The following HORMAD2 variants were observed in gnomAD, a reference collection of about 807,000 sequenced individuals.
HORMAD2 encodes the protein HORMA domain-containing protein 2.
HORMAD2 carries 45 observed loss-of-function variants against 38.8 expected under a neutral mutation model. That is an observed-to-expected ratio of 1.16 (90% CI 0.91 to 1.49). The LOEUF (loss-of-function observed/expected upper bound fraction) is 1.49, where lower values mean the gene tolerates loss of function less well. Among genes scored for constraint, HORMAD2 ranks in the 40% most tolerant of loss-of-function variants. HORMAD2 has a pLI of 0.00. For missense variants in HORMAD2, 338 were observed against 367.0 expected (o/e 0.92, Z 0.65); for synonymous variants, 126 against 122.8 (o/e 1.03, Z -0.17).
chr22:30,109,080 AGTGGC>A (rs1404684817), intron 5 of HORMAD2, among the ~76,000 whole-genome samples: 3 of 144,234 alleles, frequency 2.1e-5, no homozygotes, highest in African/African-American at 7.8e-5. Flanking sequence ...GCTGGAGTGC[AGTGGC>A]GTGGTCTTGG....
At chr22:30,174,677 T>G (rs975942130) in intron 10 of HORMAD2, among the ~76,000 whole-genome samples, 1 of 152,196 alleles carries the variant, frequency 6.6e-6, no homozygotes, top group Non-Finnish European at 1.5e-5. Flanking sequence ...TTCTTTCATG[T>G]GTACCCAGAT....
intron 10 of HORMAD2, among the ~76,000 whole-genome samples, chr22:30,123,871 T>A (rs1569098888): frequency 2.0e-5 from 3 of 151,868 alleles, no homozygotes. Flanking sequence ...GGTCTCCCTA[T>A]GTTGTCCAGG....
chr22:30,192,851 C>T, the HORMAD2 span, among the ~76,000 whole-genome samples: 1 of 152,094 alleles, frequency 6.6e-6, no homozygotes, highest in Admixed American at 6.5e-5. Context: ...GGTGATGGAT[C>T]AATGGCAGGA....
chr22:30,188,590 T>G, the HORMAD2 span, among the ~76,000 whole-genome samples: 2 of 152,248 alleles, frequency 1.3e-5, no homozygotes, highest in Non-Finnish European at 2.9e-5. Context: ...GAAGTTTTCA[T>G]GCAACTGAGT....
chr22:30,083,110 AAT>A (rs2068513728), intron 1 of HORMAD2, among the ~76,000 whole-genome samples: 1 of 152,012 alleles, frequency 6.6e-6, no homozygotes, highest in Admixed American at 6.6e-5. Flanking sequence ...CTCTACCAAA[AAT>A]AAAATTTGCT....
intron 7 of HORMAD2, among the ~76,000 whole-genome samples, chr22:30,117,947 C>T (rs1437971146): frequency 6.6e-6 from 1 of 152,152 alleles, no homozygotes; most frequent in Non-Finnish European, 1.5e-5. Context: ...ACTGAAAAAA[C>T]AAGACTTGAT....
At chr22:30,195,595 C>A in the HORMAD2 span, among the ~76,000 whole-genome samples, 8 of 152,170 alleles carry the variant, frequency 5.3e-5, no homozygotes, top group Admixed American at 1.3e-4. Context: ...ACCAGAAAAA[C>A]CAACCTGAAT....
chr22:30,081,602 G>T (rs2068476541), intron 1 of HORMAD2, among the ~76,000 whole-genome samples: 1 of 151,740 alleles, frequency 6.6e-6, no homozygotes, highest in African/African-American at 2.4e-5. Flanking sequence ...TTGTGAGATG[G>T]AGTCGAGCTC....
the HORMAD2 span, among the ~76,000 whole-genome samples, chr22:30,182,292 T>C: frequency 6.6e-6 from 1 of 152,230 alleles, no homozygotes; most frequent in Non-Finnish European, 1.5e-5. Context: ...CTTAGAAGAA[T>C]AGCTGGCACA....
chr22:30,096,533 C>T (rs1437110191), intron 2 of HORMAD2, among the ~76,000 whole-genome samples: 2 of 151,118 alleles, frequency 1.3e-5, no homozygotes, highest in African/African-American at 2.4e-5. Context: ...AGTGGTGCAA[C>T]CTTGGCTCAC....
At chr22:30,190,582 C>G in the HORMAD2 span, among the ~76,000 whole-genome samples, 1 of 152,216 alleles carries the variant, frequency 6.6e-6, no homozygotes, top group Non-Finnish European at 1.5e-5. Context: ...TTGAAGCACT[C>G]TTCTCATGGA....
At chr22:30,166,539 C>A (rs1039943132) in intron 10 of HORMAD2, among the ~76,000 whole-genome samples, 1 of 152,104 alleles carries the variant, frequency 6.6e-6, no homozygotes, top group Non-Finnish European at 1.5e-5. Flanking sequence ...AAATGTGTAA[C>A]TGAACACTTT....
At chr22:30,091,412 C>T (rs1359242902) in intron 1 of HORMAD2, among the ~76,000 whole-genome samples, 4 of 151,588 alleles carry the variant, frequency 2.6e-5, no homozygotes, top group Non-Finnish European at 2.9e-5. Flanking sequence ...ACTATAGGTG[C>T]GTGCCACCAC....
chr22:30,097,484 A>G (rs2068803550), intron 2 of HORMAD2, among the ~76,000 whole-genome samples: 1 of 152,214 alleles, frequency 6.6e-6, no homozygotes, highest in Admixed American at 6.5e-5. Context: ...GATACTTTTT[A>G]CAGAACACTA....
At chr22:30,146,166 A>C (rs1487415000) in intron 10 of HORMAD2, among the ~76,000 whole-genome samples, 1 of 152,204 alleles carries the variant, frequency 6.6e-6, no homozygotes, top group Non-Finnish European at 1.5e-5. Context: ...AAAAGTATTC[A>C]ATAAAATTCA....
At chr22:30,144,943 AGG>A (rs1924319838) in intron 10 of HORMAD2, among the ~76,000 whole-genome samples, 1 of 151,996 alleles carries the variant, frequency 6.6e-6, no homozygotes, top group South Asian at 2.1e-4. Flanking sequence ...CTTGGGAGAG[AGG>A]GAGGCTTGTG....
chr22:30,184,190 T>C, the HORMAD2 span, among the ~76,000 whole-genome samples: 4 of 152,242 alleles, frequency 2.6e-5, no homozygotes, highest in Admixed American at 2.6e-4. Flanking sequence ...CAGTGATGTC[T>C]ACTAATGGGT....
chr22:30,120,347 T>G (rs1352944213), intron 8 of HORMAD2, among the ~76,000 whole-genome samples: 2 of 152,228 alleles, frequency 1.3e-5, no homozygotes, highest in African/African-American at 4.8e-5. Context: ...AATTTTAAGT[T>G]GTTCAAAATT....
chr22:30,123,846 T>A (rs1043841119), intron 10 of HORMAD2, among the ~76,000 whole-genome samples: 9 of 151,526 alleles, frequency 5.9e-5, no homozygotes, highest in African/African-American at 2.2e-4. Context: ...TATTTTTTAT[T>A]TTTTTTAGAG....
Sources: gnomAD v4.1 joint callset for allele counts (sites outside exome capture counted in the v4.1 genomes callset) on GRCh38, gnomAD v4.1.1 for gene constraint, MANE v1.5 for transcripts, NCBI Gene and HGNC (gene_info 2026-07-23, HGNC 2026-07-21) for gene names.